The following KANSL1 variants were observed in gnomAD, a reference collection of about 807,000 sequenced individuals.
The protein encoded by KANSL1 is MLL1/MLL complex subunit KANSL1.
A neutral mutation model predicts 103.6 loss-of-function variants in KANSL1; 22 were observed. The ratio of observed to expected loss-of-function variants is 0.21; its 90% confidence interval spans 0.15 to 0.30. The LOEUF is 0.30. KANSL1 is among the 10% of genes least tolerant of loss of function. KANSL1 has a pLI of 1.00. For missense variants in KANSL1, 1,337 were observed against 1,399.8 expected (o/e 0.96, Z 0.72); for synonymous variants, 600 against 527.6 (o/e 1.14, Z -1.88).
At chr17:46,153,755 G>C (rs2045258512) in intron 2 of KANSL1, among the ~76,000 whole-genome samples, 1 of 152,138 alleles carries the variant, frequency 6.6e-6, no homozygotes, top group African/African-American at 2.4e-5. Flanking sequence ...AAAAAATAAA[G>C]TATCAATACA....
chr17:46,044,053 G>A (rs960922522), intron 7 of KANSL1: 1 of 151,208 alleles, frequency 6.6e-6, no homozygotes, highest in African/African-American at 2.4e-5. Context: ...ACTAGTAAGT[G>A]ATAATACCTA....
At position 46,117,728 on chromosome 17, in the gene KANSL1, CATAA is replaced by C. The variant is rs146723413; in HGVS notation, c.1290-23031_1290-23028del. 8.1e-4 allele frequency among the ~76,000 whole-genome samples: 123 copies of C among 152,194 alleles called. 1 individual carries two copies. The East Asian group carries it at 0.019, about 24-fold the overall frequency. ...CATTCAAAAACCATAAAAATTAAAA[CATAA>C]ATAAATAAAAAGCTAGGGAAAACAA... On this transcript the variant is annotated intron_variant, in intron 2 of 14. Transcript: ENST00000432791.
At chr17:46,117,099 A>C (rs1457390331) in intron 2 of KANSL1, among the ~76,000 whole-genome samples, 1 of 152,218 alleles carries the variant, frequency 6.6e-6, no homozygotes, top group African/African-American at 2.4e-5. Context: ...TTCCCCCTCA[A>C]ATCTGAGGGA....
intron 6 of KANSL1, among the ~76,000 whole-genome samples, chr17:46,061,762 C>T (rs991147896): frequency 1.3e-5 from 2 of 152,136 alleles, no homozygotes; most frequent in African/African-American, 4.8e-5. Context: ...TGTCTTTCCA[C>T]CTCCAGTCTC....
intron 1 of KANSL1, among the ~76,000 whole-genome samples, chr17:46,206,618 C>T (rs1394751544): frequency 6.6e-6 from 1 of 152,252 alleles, no homozygotes; most frequent in Non-Finnish European, 1.5e-5. Flanking sequence ...TGAATATTCA[C>T]ATGCAGTAGA....
At chr17:46,095,651 C>T (rs547777861) in intron 2 of KANSL1, among the ~76,000 whole-genome samples, 5 of 152,286 alleles carry the variant, frequency 3.3e-5, no homozygotes, top group South Asian at 2.1e-4. Context: ...AGAATATCTT[C>T]GGGACTTAGA....
At chr17:46,096,323 T>TTTTTTTTTTTTTTTTTTTTA (rs2042080039) in intron 2 of KANSL1, among the ~76,000 whole-genome samples, 1 of 125,778 alleles carries the variant, frequency 8.0e-6, no homozygotes, top group African/African-American at 2.8e-5. Context: ...TTTTTTTTTT[T>TTTTTTTTTTTTTTTTTTTTA]TTTTTTTTTG....
At chr17:46,199,277 A>G (rs143035306) in intron 1 of KANSL1, among the ~76,000 whole-genome samples, 283 of 152,352 alleles carry the variant, frequency 1.9e-3, no homozygotes, top group African/African-American at 2.3e-3. Flanking sequence ...GTGCTACTCA[A>G]TTGGTGAACT....
intron 2 of KANSL1, among the ~76,000 whole-genome samples, chr17:46,108,790 ACCTCATAAAACTAACTCTGGCCT>A (rs1247315471): frequency 5.3e-5 from 8 of 152,108 alleles, no homozygotes; most frequent in Admixed American, 1.3e-4. Flanking sequence ...GTGCCAACAG[ACCTCATAAAACTAACTCTGGCCT>A]CCTCATAAAA....
chr17:46,035,861 T>TG (rs141698966), intron 10 of KANSL1: 21,710 of 152,062 alleles, frequency 0.14, 2,094 homozygotes, highest in Non-Finnish European at 0.22. Context: ...CAACGGGCTC[T>TG]TATCTCATCC....
At chr17:46,130,527 C>T (rs536109239) in intron 2 of KANSL1, among the ~76,000 whole-genome samples, 1 of 147,628 alleles carries the variant, frequency 6.8e-6, no homozygotes, top group South Asian at 2.1e-4. Context: ...AAGGCTGTTT[C>T]ATACATACAA....
chr17:46,219,762 T>C (rs2048462096), intron 1 of KANSL1, among the ~76,000 whole-genome samples: 1 of 152,252 alleles, frequency 6.6e-6, no homozygotes, highest in South Asian at 2.1e-4. Context: ...ACACATGTCC[T>C]AGATTATGGG....
chr17:46,101,835 C>CAGT (rs2147020492), intron 2 of KANSL1, among the ~76,000 whole-genome samples: 1 of 139,944 alleles, frequency 7.1e-6, no homozygotes, highest in Non-Finnish European at 1.5e-5. Flanking sequence ...CAAAAAGGTA[C>CAGT]AAAAAAGGAA....
At chr17:46,082,287 G>T (rs1331729097) in intron 4 of KANSL1, among the ~76,000 whole-genome samples, 154 bp downstream of exon 4, 2 of 152,104 alleles carry the variant, frequency 1.3e-5, no homozygotes, top group African/African-American at 4.8e-5. Context: ...TCCCTATTCA[G>T]GAATTCAGAT....
At chr17:46,084,268 G>A (rs1347903172) in intron 3 of KANSL1, among the ~76,000 whole-genome samples, 1 of 152,084 alleles carries the variant, frequency 6.6e-6, no homozygotes, top group Non-Finnish European at 1.5e-5. Flanking sequence ...CATAGTCCCA[G>A]CTACTCGGAA....
intron 2 of KANSL1, among the ~76,000 whole-genome samples, chr17:46,167,894 T>G (rs920169106): frequency 1.3e-5 from 2 of 152,234 alleles, no homozygotes; most frequent in Non-Finnish European, 2.9e-5. Flanking sequence ...AAGAAAGGGA[T>G]TATAATTTCC....
intron 6 of KANSL1, among the ~76,000 whole-genome samples, chr17:46,054,122 A>C (rs1335052382): frequency 6.6e-6 from 1 of 152,100 alleles, no homozygotes; most frequent in African/African-American, 2.4e-5. Flanking sequence ...GTCTCTTAAA[A>C]GAAAAAAAAA....
At position 46,171,078 on chromosome 17, in the gene KANSL1, TTCTCAAGGCAGCTTC is replaced by T. The variant is rs2046259394; in HGVS notation, c.1051_1065del (p.Glu351_Arg355del). 3 of 1,614,108 alleles carry T rather than the reference TTCTCAAGGCAGCTTC, an allele frequency of 1.9e-6. No homozygotes were observed. In the East Asian group the frequency reaches 6.7e-5, roughly 36 times the overall value. Reference sequence around the variant, plus strand: ...GAAGTGGTGGTCTCACTGGCAGCTTTTCTCAAGGCAGCTTCAGCCTTTCGAGTCAGCATCAACTGG... The same window carrying T: ...GAAGTGGTGGTCTCACTGGCAGCTTTAGCCTTTCGAGTCAGCATCAACTGG... On this transcript the variant is annotated inframe_deletion, in exon 2 of 15. Coordinates refer to ENST00000432791, the MANE Select transcript of KANSL1 (RefSeq NM_015443.4).
intron 2 of KANSL1, among the ~76,000 whole-genome samples, chr17:46,136,432 G>GT (rs2044148439): frequency 6.6e-6 from 1 of 152,130 alleles, no homozygotes; most frequent in East Asian, 1.9e-4. Flanking sequence ...GGACCATATC[G>GT]TTACCCTCTT....
Sources: gnomAD v4.1 joint callset for allele counts (sites outside exome capture counted in the v4.1 genomes callset) on GRCh38, gnomAD v4.1.1 for gene constraint, MANE v1.5 for transcripts, NCBI Gene and HGNC (gene_info 2026-07-23, HGNC 2026-07-21) for gene names.